Variants in CARD10 observed in about 807,000 individuals in gnomAD.
The protein encoded by CARD10 is caspase recruitment domain family member 10.
In CARD10, 49 loss-of-function variants were observed where a neutral mutation model predicts 114.6. The ratio of observed to expected loss-of-function variants is 0.43; its 90% CI spans 0.34 to 0.54. The LOEUF is 0.54. Among genes scored for constraint, CARD10 ranks in the 20% least tolerant of loss-of-function variants. The probability of loss-of-function intolerance (pLI) is 0.03; values close to 1 mark genes in which losing one functional copy is unlikely to be tolerated. For missense variants in CARD10, 1,206 were observed against 1,397.2 expected (o/e 0.86, Z 2.18); for synonymous variants, 602 against 593.2 (o/e 1.01, Z -0.21).
At chr22:37,510,114 A>C (rs1923578756) in intron 4 of CARD10, 98 bp downstream of exon 4, 8 of 738,460 alleles carry the variant, frequency 1.1e-5, no homozygotes, top group Admixed American at 5.4e-5. Flanking sequence ...GGCCTTCCTG[A>C]TCCCCCACCC....
intron 6 of CARD10, 27 bp downstream of exon 6, chr22:37,507,802 G>A (rs1923463677): frequency 6.2e-7 from 1 of 1,613,676 alleles, no homozygotes; most frequent in South Asian, 1.1e-5. Context: ...ACTGGCCCAG[G>A]GCCTCGTACA....
chr22:37,519,218 C>G lies in CARD10; in HGVS notation c.-18G>C. 1 of 1,501,100 alleles carries G rather than the reference C, an allele frequency of 6.7e-7. No homozygotes were observed. The highest frequency in any genetic ancestry group is 8.9e-7 in the Non-Finnish European group (1 of 1,128,090). The allele number at this position is 1,501,100 out of a possible 1,614,324, so 93.0% of individuals were successfully genotyped here. On this transcript the variant is annotated 5_prime_UTR_variant, in exon 1 of 20. Coordinates refer to ENST00000251973, the MANE Select transcript of CARD10 (RefSeq NM_014550.4). The surrounding 1 kb of genome is among the most constrained non-coding windows in gnomAD (Gnocchi z 4.1). ...CCCGGCATGGCCGTGTCCTCAGGGT[C>G]TGCGGGCAAGAGGCGCACGGGGGTC...
rs755872320 is a variant in CARD10, at chr22:37,510,332, C to T, written c.789G>A (p.Glu263=). 6.5e-7 allele frequency: 1 copy of T among 1,535,346 alleles called. No homozygotes were observed. The highest frequency in any genetic ancestry group is 2.3e-5 in the East Asian group (1 of 43,600). ...TCTCCTTCTCCTTCTCCTTCTCCTT[C>T]TCCTCTGCCCCAGGGGGCGGGCCCC... ...RARGPPPGAE[E]KEKEKEKEKE... is the part of the protein sequence containing the mutation. The change falls in exon 4 of 20, where the codon GAG becomes GAA. Residue 263 remains glutamate (E), a synonymous_variant. Transcript: ENST00000251973.
Position 37,519,384 on chromosome 22 carries a change from G to C in CARD10, c.-184C>G, listed in dbSNP as rs1198766686. The C allele has an allele frequency of 5.8e-6, 7 of 1,212,122 alleles. No individual in the cohort carries two copies. The highest frequency in any genetic ancestry group is 7.2e-6 in the Non-Finnish European group (7 of 975,930). The allele number at this position is 1,212,122 out of a possible 1,614,324, so 75.1% of individuals were successfully genotyped here. On this transcript the variant is annotated 5_prime_UTR_variant, in exon 1 of 20. Transcript: ENST00000251973. The surrounding 1 kb of genome is among the most constrained non-coding windows in gnomAD (Gnocchi z 4.1). The stretch of plus-strand genomic sequence containing the variant: ...GCCTCGGGCTCCCGGGTCCGCACTC[G>C]GGCGGCGGCTCCGCCGGCGCAGGGG...
rs771240209 is a variant in CARD10 at position 37,492,780 on chromosome 22, G to A, written c.2499C>T (p.Pro833=). 1.2e-6 allele frequency: 2 copies of A among 1,612,524 alleles called. No homozygotes were observed. Among genetic ancestry groups the A allele is most frequent in the African/African-American group, 1.3e-5 (1 of 75,036 alleles). The change falls in exon 17 of 20, where the codon CCC becomes CCT. Residue 833 remains proline, a synonymous_variant. Coordinates refer to ENST00000251973, the MANE Select transcript of CARD10 (RefSeq NM_014550.4). The surrounding 1 kb of genome is among the most constrained non-coding windows in gnomAD (Gnocchi z 5.7). ...CCAGTAGCGGCCGCACCAAACTGTAGGGTCTGAGGCTCCGCTCCGGCTCTG... is the reference window on the plus strand; with the variant it reads ...CCAGTAGCGGCCGCACCAAACTGTAAGGTCTGAGGCTCCGCTCCGGCTCTG... ...PCAEPERSLR[P]YSLVRPLLVS...
intron 3 of CARD10, among the ~76,000 whole-genome samples, chr22:37,515,233 A>AGT (rs1334709010): frequency 6.6e-6 from 1 of 152,232 alleles, no homozygotes; most frequent in Non-Finnish European, 1.5e-5. Flanking sequence ...AGTTGTGAGC[A>AGT]GTGTGCTAGG....
intron 14 of CARD10, 61 bp from the exon 15 acceptor site, chr22:37,495,647 A>T: frequency 6.2e-7 from 1 of 1,610,742 alleles, no homozygotes; most frequent in Non-Finnish European, 8.5e-7. Flanking sequence ...TTCTCCTCGA[A>T]CCCCCCGCCC....
In CARD10 at chr22:37,516,575, C is replaced by T. The variant is rs41304677; in HGVS notation, c.374-277G>A. On this transcript the variant is annotated intron_variant, in intron 2 of 19. Transcript: ENST00000251973. ...AGCAACAGAGTGGGAGAAAATATAA[C>T]AAGAACTCAGAGCCGTAATATATAA... is the stretch of plus-strand genomic sequence containing the variant. Among the ~76,000 whole-genome samples the T allele has an allele frequency of 5.1e-3, 782 of 152,182 alleles. 4 individuals carry two copies. The highest frequency in any genetic ancestry group is 8.3e-3 in the Non-Finnish European group (563 of 67,986).
chr22:37,499,409 A>G (rs932501505), intron 11 of CARD10, among the ~76,000 whole-genome samples: 23 of 151,808 alleles, frequency 1.5e-4, no homozygotes, highest in Non-Finnish European at 3.4e-4. Context: ...CAGTTTCCCC[A>G]CCTGTTTCAA....
At chr22:37,515,581 AAAC>A (rs1300707225) in intron 3 of CARD10, among the ~76,000 whole-genome samples, 3 of 151,934 alleles carry the variant, frequency 2.0e-5, no homozygotes, top group Non-Finnish European at 4.4e-5. Context: ...AAAAAAAAAA[AAAC>A]AACTTATCAA....
In CARD10 at chr22:37,492,678, G is replaced by A. The variant is rs374574746; in HGVS notation, c.2601C>T (p.Pro867=). Residue 867 remains proline (P), a synonymous_variant, in exon 17 of 20, where the codon CCC becomes CCT. Coordinates refer to ENST00000251973, the MANE Select transcript of CARD10 (RefSeq NM_014550.4). This position sits in a 1 kb window ranked among gnomAD's most constrained non-coding sequence, Gnocchi z 5.7. ...ACACTTGGAAGTCCAGCCGGGAGCT[G>A]GGCAGGTCTAGCAGGTTACGGATGA... ...PRLIRNLLDL[P]SSRLDFQVCP... The A allele has an allele frequency of 2.4e-5, 38 of 1,613,028 alleles. No homozygotes were observed. The African/African-American group carries it at 4.9e-4, about 21-fold the overall frequency.
At chr22:37,498,910 G>A (rs535768129) in intron 11 of CARD10, among the ~76,000 whole-genome samples, 1 of 135,402 alleles carries the variant, frequency 7.4e-6, no homozygotes, top group Non-Finnish European at 1.6e-5. Flanking sequence ...GGGGGTGGGG[G>A]GGGGGGGCAC....
intron 2 of CARD10, among the ~76,000 whole-genome samples, chr22:37,516,883 AG>A (rs778028232): frequency 3.3e-5 from 5 of 152,360 alleles, no homozygotes; most frequent in Admixed American, 6.5e-5. Flanking sequence ...TTTAATAACT[AG>A]TAACCTGTGA....
chr22:37,510,453 G>A (rs761953770), intron 3 of CARD10, 32 bp from the exon 4 acceptor site: 1 of 1,600,062 alleles, frequency 6.2e-7, no homozygotes, highest in South Asian at 1.1e-5. Flanking sequence ...AGCCCAGAGG[G>A]AGACACACTG....
chr22:37,514,103 C>A (rs1459817061), intron 3 of CARD10, among the ~76,000 whole-genome samples: 7 of 133,216 alleles, frequency 5.3e-5, no homozygotes, highest in Admixed American at 1.6e-4. Context: ...GACTCCATCT[C>A]AAAAAAAAAA....
Position 37,519,117 on chromosome 22 carries a change from C to T in CARD10, c.84G>A (p.Trp28Ter). 6.3e-7 allele frequency: 1 copy of T among 1,580,238 alleles called. No individual in the cohort carries two copies. Residue 28 changes from tryptophan to a stop codon, truncating the protein, a stop_gained, in exon 1 of 20, where the codon TGG becomes TGA. Coordinates refer to ENST00000251973, the MANE Select transcript of CARD10 (RefSeq NM_014550.4). LOFTEE classifies it high-confidence loss of function. The surrounding 1 kb of genome is among the most constrained non-coding windows in gnomAD (Gnocchi z 4.1). The part of the protein sequence containing the change: ...SGSEAEEDAL[W>*]ERIEGVRHRL... ...GATGCCGGACGCCCTCGATTCGCTC[C>T]CACAGCGCGTCCTCCTCCGCCTCAG...
At position 37,519,367 on chromosome 22, in the gene CARD10, C is replaced by T. The variant is rs1040114063; in HGVS notation, c.-167G>A. ...CCCCGCACGCTACAGTCGCCTCGGGCTCCCGGGTCCGCACTCGGGCGGCGG... is the reference window on the plus strand; with the variant it reads ...CCCCGCACGCTACAGTCGCCTCGGGTTCCCGGGTCCGCACTCGGGCGGCGG... On this transcript the variant is annotated 5_prime_UTR_variant, in exon 1 of 20. Transcript: ENST00000251973. This position sits in a 1 kb window ranked among gnomAD's most constrained non-coding sequence, Gnocchi z 4.1. The T allele has an allele frequency of 1.6e-6, 2 of 1,227,014 alleles. No individual in the cohort carries two copies. The highest frequency in any genetic ancestry group is 1.6e-5 in the African/African-American group (1 of 63,858). 76.0% of individuals were successfully genotyped at this position (1,227,014 alleles called of 1,614,324 possible).
intron 19 of CARD10, 82 bp from the exon 20 acceptor site, chr22:37,491,475 G>A (rs1212143821): frequency 5.0e-6 from 5 of 1,008,220 alleles, no homozygotes; most frequent in South Asian, 1.7e-5. Context: ...AGACAAAGGG[G>A]GAAGAGTCAG....
chr22:37,504,121 G>A (rs983018422), intron 9 of CARD10, 65 bp downstream of exon 9: 1 of 1,139,022 alleles, frequency 8.8e-7, no homozygotes, highest in Non-Finnish European at 1.3e-6. Flanking sequence ...ATTCTGGGAG[G>A]TGGCTGTTCG....
Sources: gnomAD v4.1 joint callset for allele counts (sites outside exome capture counted in the v4.1 genomes callset) on GRCh38, gnomAD v4.1.1 for gene constraint, Gnocchi (gnomAD v3.1) non-coding constraint, MANE v1.5 for transcripts, NCBI Gene and HGNC (gene_info 2026-07-23, HGNC 2026-07-21) for gene names.